EML4: variants seen among roughly 807,000 people sequenced by gnomAD.
EML4 encodes the protein EMAP like 4, also known as echinoderm microtubule-associated protein-like 4.
Under a neutral mutation model 129.0 loss-of-function variants are expected in EML4, and 72 were observed. The observed-to-expected ratio is 0.56, with a 90% CI of 0.46 to 0.68. The LOEUF (loss-of-function observed/expected upper bound fraction) is 0.68, where lower values mean the gene tolerates loss of function less well. EML4 is among the 30% of genes least tolerant of loss of function. The pLI, the probability that EML4 is intolerant of heterozygous loss-of-function variation, is 0.00. For missense variants in EML4, 1,363 were observed against 1,190.6 expected, an observed-to-expected ratio of 1.14 and a Z score of -2.13; for synonymous variants, 532 against 405.0, an observed-to-expected ratio of 1.31 and a Z score of -3.77.
At chr2:42,234,742 TAA>T (rs1674553449) in intron 1 of EML4, among the ~76,000 whole-genome samples, 1 of 152,250 alleles carries the variant, frequency 6.6e-6, no homozygotes, top group Non-Finnish European at 1.5e-5. Flanking sequence ...GTCATGTATA[TAA>T]AACAGCAGCT....
chr2:42,326,095 C>T (rs745718119), intron 20 of EML4, 59 bp from the exon 21 acceptor site: 42 of 1,591,382 alleles, frequency 2.6e-5, no homozygotes, highest in Non-Finnish European at 3.5e-5. Flanking sequence ...TCAAGATGCA[C>T]TTTCAAATAC....
intron 13 of EML4, among the ~76,000 whole-genome samples, chr2:42,297,449 A>G (rs17317550): frequency 0.17 from 25,913 of 152,116 alleles, 2,859 homozygotes; most frequent in Middle Eastern, 0.33. Context: ...TTGTGGCTCA[A>G]CCTCTCTACA....
intron 1 of EML4, among the ~76,000 whole-genome samples, chr2:42,235,045 C>G (rs985599088): frequency 3.9e-5 from 6 of 152,102 alleles, no homozygotes; most frequent in African/African-American, 1.2e-4. Flanking sequence ...CCTGTAATCC[C>G]AGCACTTTGG....
At position 42,329,829 on chromosome 2, in the gene EML4, C is replaced by T. The variant is rs1405514822; in HGVS notation, c.2568C>T (p.Asp856=). The stretch of plus-strand genomic sequence containing the variant: ...ACCTGATATCAACTGGTGGAAAAGA[C>T]ATGAGCATCATTCAGTGGAAACTTG... ...DSHLISTGGK[D]MSIIQWKLVE... The change falls in exon 23 of 23, where the codon GAC becomes GAT. Residue 856 remains aspartate, a synonymous_variant. Transcript: ENST00000318522. The T allele has an allele frequency of 1.1e-5, 18 of 1,614,150 alleles. No homozygotes were observed. The highest frequency in any genetic ancestry group is 2.7e-5 in the African/African-American group (2 of 75,046).
intron 1 of EML4, among the ~76,000 whole-genome samples, chr2:42,197,632 T>G (rs1671973220): frequency 2.0e-5 from 3 of 152,174 alleles, no homozygotes; most frequent in Admixed American, 2.0e-4. Flanking sequence ...ATGAGTAATT[T>G]TAAATATCTG....
At chr2:42,280,380 C>G (rs149467594) in intron 6 of EML4, among the ~76,000 whole-genome samples, 71 of 152,242 alleles carry the variant, frequency 4.7e-4, no homozygotes, top group African/African-American at 1.7e-3. Context: ...ACTTTGTTTT[C>G]TGTATGCTGT....
intron 1 of EML4, among the ~76,000 whole-genome samples, chr2:42,212,351 A>G (rs923108051): frequency 2.0e-5 from 3 of 152,222 alleles, no homozygotes; most frequent in Non-Finnish European, 2.9e-5. Flanking sequence ...TATATTTAAT[A>G]TCACCTTTAA....
rs539122067 is a variant in EML4, at chr2:42,301,557, C to CA, written c.1641+175dup. ...TTGTTGCCTTTAAGATAACTTTTTT[C>CA]AAAAAAAAAAGACCATTAAAATAAT... On this transcript the variant is annotated intron_variant, in intron 14 of 22. Transcript: ENST00000318522. Among the ~76,000 whole-genome samples the CA allele has an allele frequency of 3.4e-3, 485 of 143,156 alleles. 1 individual carries two copies. The highest frequency in any genetic ancestry group is 7.5e-3 in the Admixed American group (109 of 14,438). The allele number at this position is 143,156 out of a possible 152,430, so 93.9% of individuals were successfully genotyped here. A position where few individuals can be genotyped will look rare whatever the true frequency, so the allele number is the denominator to read the frequency against.
chr2:42,320,507 G>A (rs759475635), intron 19 of EML4, among the ~76,000 whole-genome samples: 15 of 152,152 alleles, frequency 9.9e-5, no homozygotes, highest in Non-Finnish European at 2.2e-4. Flanking sequence ...AGATTTAGAT[G>A]TGATGATGTA....
chr2:42,199,363 G>T (rs1367609255), intron 1 of EML4, among the ~76,000 whole-genome samples: 1 of 152,186 alleles, frequency 6.6e-6, no homozygotes, highest in Non-Finnish European at 1.5e-5. Context: ...AGGTAAATTA[G>T]ATAGTAAGAT....
At chr2:42,170,625 T>C (rs1282351018) in intron 1 of EML4, among the ~76,000 whole-genome samples, 1 of 152,254 alleles carries the variant, frequency 6.6e-6, no homozygotes, top group African/African-American at 2.4e-5. Context: ...TTCGAGGCCA[T>C]TGAAATCTAG....
rs149426123 is a variant in EML4 at position 42,199,158 on chromosome 2, G to T, written c.25+29522G>T. 3.3e-5 allele frequency among the ~76,000 whole-genome samples: 5 copies of T among 152,312 alleles called. No homozygotes were observed. The East Asian group carries it at 9.6e-4, about 29-fold the overall frequency. On this transcript the variant is annotated intron_variant, in intron 1 of 22. Transcript: ENST00000318522. ...GGGAATAGGAGTGAAAGAGACAAAGGATAAGGGCTTGGGGTTATGGGCCAA... is the reference window on the plus strand; with the variant it reads ...GGGAATAGGAGTGAAAGAGACAAAGTATAAGGGCTTGGGGTTATGGGCCAA...
chr2:42,307,021 C>T (rs948155429), intron 17 of EML4, among the ~76,000 whole-genome samples: 5 of 152,108 alleles, frequency 3.3e-5, no homozygotes, highest in East Asian at 1.9e-4. Context: ...TTATCTTTGA[C>T]AATTAAATCA....
chr2:42,290,846 T>C (rs1185385977), intron 11 of EML4, among the ~76,000 whole-genome samples: 1 of 152,206 alleles, frequency 6.6e-6, no homozygotes, highest in Non-Finnish European at 1.5e-5. Context: ...TAGGAGACGA[T>C]GAAGACGTCA....
intron 2 of EML4, among the ~76,000 whole-genome samples, chr2:42,254,386 A>T (rs1396552574): frequency 6.6e-6 from 1 of 151,186 alleles, no homozygotes; most frequent in African/African-American, 2.4e-5. Flanking sequence ...GAGCCCCGGG[A>T]GGCCGTGGCA....
Position 42,290,125 on chromosome 2 carries a change from A to G in EML4, c.1218+1803A>G, listed in dbSNP as rs1474343144. Among the ~76,000 whole-genome samples the G allele has an allele frequency of 2.0e-5, 3 of 151,782 alleles. No individual in the cohort carries two copies. The East Asian group carries it at 5.8e-4, about 29-fold the overall frequency. On this transcript the variant is annotated intron_variant, in intron 11 of 22. Transcript: ENST00000318522. The stretch of plus-strand genomic sequence containing the variant: ...AATAAAGTTAACTTAATCAAAACAG[A>G]GGATGTATTGACTCCTGTTTAGGGA...
intron 9 of EML4, among the ~76,000 whole-genome samples, chr2:42,285,692 A>G (rs545957873): frequency 8.8e-4 from 132 of 150,636 alleles, no homozygotes; most frequent in African/African-American, 3.1e-3. Context: ...TGTGTCTCCC[A>G]GGTTCAAGCA....
chr2:42,278,273 G>A (rs1001252203), intron 6 of EML4, among the ~76,000 whole-genome samples: 1 of 152,094 alleles, frequency 6.6e-6, no homozygotes, highest in African/African-American at 2.4e-5. Context: ...TGTTTTCAAA[G>A]GACTAAGAAA....
At chr2:42,209,755 C>A (rs1371294164) in intron 1 of EML4, among the ~76,000 whole-genome samples, 1 of 152,098 alleles carries the variant, frequency 6.6e-6, no homozygotes, top group Non-Finnish European at 1.5e-5. Flanking sequence ...CACGGAGAAA[C>A]CCGGTCTCTA....
Sources: gnomAD v4.1 joint callset for allele counts (sites outside exome capture counted in the v4.1 genomes callset) on GRCh38, gnomAD v4.1.1 for gene constraint, MANE v1.5 for transcripts, NCBI Gene and HGNC (gene_info 2026-07-23, HGNC 2026-07-21) for gene names.